NOS1AP: variants seen among roughly 807,000 people sequenced by gnomAD.
NOS1AP encodes the protein nitric oxide synthase 1 adaptor protein.
Under a neutral mutation model 56.2 loss-of-function variants are expected in NOS1AP, and 21 were observed. The ratio of observed to expected loss-of-function variants is 0.37; its 90% confidence interval spans 0.26 to 0.54. The LOEUF is 0.54. Ranked by LOEUF, NOS1AP falls within the 20% of genes least tolerant of loss-of-function variation. The pLI, the probability that NOS1AP is intolerant of heterozygous loss-of-function variation, is 0.84. For missense variants in NOS1AP, 522 were observed against 657.8 expected (o/e 0.79, Z 2.26); for synonymous variants, 270 against 274.6 (o/e 0.98, Z 0.17).
At position 162,367,394 on chromosome 1, in the gene NOS1AP, A is replaced by AGCT; in HGVS notation, c.1451_1453dup (p.Leu484dup). ...GAGCGCGACTCGTGGTCCCAGGAGG[A>AGCT]GCTGCCGCGCCTGCTGAATGTCCTG... On this transcript the variant is annotated inframe_insertion, in exon 10 of 10. Coordinates refer to ENST00000361897, the MANE Select transcript of NOS1AP (RefSeq NM_014697.3). This position sits in a 1 kb window ranked among gnomAD's most constrained non-coding sequence, Gnocchi z 6.5. 6.2e-7 allele frequency: 1 copy of AGCT among 1,602,438 alleles called. No homozygotes were observed.
Position 162,081,774 on chromosome 1 carries a change from A to AT in NOS1AP, c.105+11502dup, listed in dbSNP as rs59767273. Reference sequence around the variant, plus strand: ...TCTATAGATATATATATATATATATATTTTTTTTTTGTAGAGATGGGTTTT... The same window carrying AT: ...TCTATAGATATATATATATATATATATTTTTTTTTTTGTAGAGATGGGTTTT... On this transcript the variant is annotated intron_variant, in intron 1 of 9. Transcript: ENST00000361897. Among the ~76,000 whole-genome samples, 426 of 44,066 alleles carry AT rather than the reference A, an allele frequency of 9.7e-3. 31 individuals are homozygous for AT. Among genetic ancestry groups the AT allele is most frequent in the African/African-American group, 0.028 (364 of 13,094 alleles). 28.9% of individuals were successfully genotyped at this position (44,066 alleles called of 152,430 possible).
At chr1:162,219,025 C>CAGCAGA (rs1462729481) in intron 2 of NOS1AP, among the ~76,000 whole-genome samples, 1 of 152,092 alleles carries the variant, frequency 6.6e-6, no homozygotes, top group Non-Finnish European at 1.5e-5. Context: ...GCAGCAGCAG[C>CAGCAGA]AGCAGAATGT....
chr1:162,287,156 C>T (rs1427647395), intron 2 of NOS1AP, among the ~76,000 whole-genome samples, 188 bp from the exon 3 acceptor site: 1 of 152,076 alleles, frequency 6.6e-6, no homozygotes, highest in African/African-American at 2.4e-5. Flanking sequence ...TTCAGAGTCC[C>T]GTTTCTAACC....
At position 162,367,423 on chromosome 1, in the gene NOS1AP, A is replaced by AG. The variant is rs1185778395; in HGVS notation, c.1479dup (p.Gln494AlafsTer9). The AG allele has an allele frequency of 6.3e-7, 1 of 1,588,090 alleles. No homozygotes were observed. Among genetic ancestry groups the AG allele is most frequent in the Admixed American group, 1.7e-5 (1 of 57,560 alleles). On this transcript the variant is annotated frameshift_variant, in exon 10 of 10. Coordinates refer to ENST00000361897, the MANE Select transcript of NOS1AP (RefSeq NM_014697.3). LOFTEE classifies it high-confidence loss of function. The surrounding 1 kb of genome is among the most constrained non-coding windows in gnomAD (Gnocchi z 6.5). Reference sequence around the variant, plus strand: ...GCCGCGCCTGCTGAATGTCCTGCAGAGGCAGGAACTGGGCGACGGCCTGGA... The same window carrying AG: ...GCCGCGCCTGCTGAATGTCCTGCAGAGGGCAGGAACTGGGCGACGGCCTGGA...
chr1:162,236,644 C>G (rs754230048), intron 2 of NOS1AP, among the ~76,000 whole-genome samples: 1 of 47,998 alleles, frequency 2.1e-5, no homozygotes, highest in Non-Finnish European at 8.2e-5. Flanking sequence ...AACACTCCAG[C>G]CCCCCTTTCC....
At chr1:162,143,235 TC>T (rs1388425810) in intron 1 of NOS1AP, among the ~76,000 whole-genome samples, 1 of 152,074 alleles carries the variant, frequency 6.6e-6, no homozygotes, top group Non-Finnish European at 1.5e-5. Flanking sequence ...ATTCACCACT[TC>T]CGTCTTCACT....
In NOS1AP at chr1:162,357,054, C is replaced by A. The variant is rs745484162; in HGVS notation, c.857C>A (p.Pro286Gln). Reference sequence around the variant, plus strand: ...CCTCCAGGCCTGGGCACAGAGACACCGCTGTCCACTCACCACCAGATGCAG... The same window carrying A: ...CCTCCAGGCCTGGGCACAGAGACACAGCTGTCCACTCACCACCAGATGCAG... ...SKPPGLGTET[P>Q]LSTHHQMQLL... The change falls in exon 8 of 10, where the codon CCG becomes CAG. Residue 286 changes from proline to glutamine, a missense_variant. By Grantham distance (76) the Pro-to-Gln change is moderately conservative. Coordinates refer to ENST00000361897, the MANE Select transcript of NOS1AP (RefSeq NM_014697.3). 6.2e-7 allele frequency: 1 copy of A among 1,613,306 alleles called. No individual in the cohort carries two copies. The highest frequency in any genetic ancestry group is 1.3e-5 in the African/African-American group (1 of 74,886).
At chr1:162,132,661 G>C (rs1465430494) in intron 1 of NOS1AP, among the ~76,000 whole-genome samples, 1 of 152,178 alleles carries the variant, frequency 6.6e-6, no homozygotes, top group Non-Finnish European at 1.5e-5. Context: ...AGTAAACTTG[G>C]TTTGAAACTG....
At chr1:162,287,864 G>A (rs1379553665) in intron 3 of NOS1AP, among the ~76,000 whole-genome samples, 1 of 152,184 alleles carries the variant, frequency 6.6e-6, no homozygotes, top group Non-Finnish European at 1.5e-5. Context: ...CCCACCCCAG[G>A]TGCCATGCAG....
At chr1:162,318,987 C>T (rs1656323839) in intron 4 of NOS1AP, among the ~76,000 whole-genome samples, 1 of 152,180 alleles carries the variant, frequency 6.6e-6, no homozygotes, top group Admixed American at 6.5e-5. Context: ...CTGCTCTCCC[C>T]ATGGTGGCTG....
chr1:162,336,614 G>T (rs1269542405), intron 5 of NOS1AP, among the ~76,000 whole-genome samples: 1 of 152,186 alleles, frequency 6.6e-6, no homozygotes, highest in Non-Finnish European at 1.5e-5. Context: ...GCCCAAGGAA[G>T]TAAATCACCC....
intron 2 of NOS1AP, among the ~76,000 whole-genome samples, chr1:162,178,403 T>G (rs1460883337): frequency 6.6e-6 from 1 of 152,208 alleles, no homozygotes; most frequent in Non-Finnish European, 1.5e-5. Flanking sequence ...GCTAAGAGTA[T>G]GATTAGTTTT....
At chr1:162,127,595 T>C (rs1648546695) in intron 1 of NOS1AP, among the ~76,000 whole-genome samples, 1 of 151,460 alleles carries the variant, frequency 6.6e-6, no homozygotes, top group Admixed American at 6.6e-5. Flanking sequence ...GATGTTGGCA[T>C]CTTCTCTGCT....
intron 3 of NOS1AP, among the ~76,000 whole-genome samples, chr1:162,299,902 G>A (rs895588057): frequency 6.6e-6 from 1 of 152,086 alleles, no homozygotes; most frequent in Non-Finnish European, 1.5e-5. Flanking sequence ...AACCTCCAAA[G>A]CCCAGTATGT....
At chr1:162,197,057 G>A (rs1651833271) in intron 2 of NOS1AP, among the ~76,000 whole-genome samples, 1 of 152,226 alleles carries the variant, frequency 6.6e-6, no homozygotes, top group African/African-American at 2.4e-5. Flanking sequence ...AGATGAGCCA[G>A]TAAGGCTCTG....
intron 1 of NOS1AP, among the ~76,000 whole-genome samples, chr1:162,088,595 C>T (rs746708862): frequency 3.3e-5 from 5 of 152,116 alleles, no homozygotes; most frequent in Admixed American, 2.0e-4. Flanking sequence ...GATACAAAAC[C>T]AGCACTTATC....
At chr1:162,101,340 C>A (rs1020309963) in intron 1 of NOS1AP, among the ~76,000 whole-genome samples, 1 of 152,044 alleles carries the variant, frequency 6.6e-6, no homozygotes, top group Non-Finnish European at 1.5e-5. Context: ...ATTACTGGAG[C>A]CTTGTAGTAT....
intron 1 of NOS1AP, among the ~76,000 whole-genome samples, chr1:162,085,989 C>T (rs1368883397): frequency 6.6e-6 from 1 of 152,066 alleles, no homozygotes; most frequent in Non-Finnish European, 1.5e-5. Flanking sequence ...ACTTCATATC[C>T]AATTCTGGAC....
At chr1:162,319,940 G>A (rs1046900157) in intron 4 of NOS1AP, among the ~76,000 whole-genome samples, 5 of 152,120 alleles carry the variant, frequency 3.3e-5, no homozygotes, top group Admixed American at 1.3e-4. Flanking sequence ...CACCTCCCAC[G>A]TTGTCTTCGA....
Sources: gnomAD v4.1 joint callset for allele counts (sites outside exome capture counted in the v4.1 genomes callset) on GRCh38, gnomAD v4.1.1 for gene constraint, Gnocchi (gnomAD v3.1) non-coding constraint, MANE v1.5 for transcripts, NCBI Gene and HGNC (gene_info 2026-07-23, HGNC 2026-07-21) for gene names.